ACOD1: variants seen among roughly 807,000 people sequenced by gnomAD.
ACOD1 encodes the protein aconitate decarboxylase 1.
In ACOD1, 14 loss-of-function variants were observed where a neutral mutation model predicts 14.2. That is an observed-to-expected ratio of 0.99 (90% CI 0.65 to 1.54). The LOEUF (loss-of-function observed/expected upper bound fraction) is 1.54, where lower values mean the gene tolerates loss of function less well. Among genes scored for constraint, ACOD1 ranks in the 40% most tolerant of loss-of-function variants. ACOD1 has a pLI of 0.00. For synonymous variants in ACOD1, 182 were observed against 221.7 expected (o/e 0.82, Z 1.59); for missense variants, 530 against 586.3 (o/e 0.90, Z 0.99).
At chr13:76,955,548 A>C in intron 4 of ACOD1, 24 bp downstream of exon 4, 3 of 1,541,804 alleles carry the variant, frequency 1.9e-6, no homozygotes, top group Non-Finnish European at 2.6e-6. Context: ...TTGCCCCATC[A>C]AAAGGTAGTC....
chr13:76,952,101 G>T (rs751248009), intron 1 of ACOD1, among the ~76,000 whole-genome samples: 1 of 152,168 alleles, frequency 6.6e-6, no homozygotes, highest in East Asian at 1.9e-4. Context: ...TGCCTGGCAG[G>T]TGTCTCATAA....
intron 2 of ACOD1, among the ~76,000 whole-genome samples, chr13:76,953,310 T>A (rs547068339): frequency 6.6e-6 from 1 of 152,310 alleles, no homozygotes; most frequent in African/African-American, 2.4e-5. Flanking sequence ...TTAGTCCATC[T>A]TCCCTGGTAT....
At chr13:76,952,395 C>A in intron 1 of ACOD1, 94 bp from the exon 2 acceptor site, 3 of 1,093,100 alleles carry the variant, frequency 2.7e-6, no homozygotes, top group South Asian at 1.8e-5. Flanking sequence ...TGGAGCAAAA[C>A]TCTTTATGCA....
chr13:76,952,717 T>C (rs1010915564), intron 2 of ACOD1, 67 bp downstream of exon 2: 3 of 1,360,054 alleles, frequency 2.2e-6, no homozygotes, highest in African/African-American at 2.9e-5. Context: ...ATTTACTCTA[T>C]ACTTCGTTTT....
chr13:76,952,132 C>T (rs866129916), intron 1 of ACOD1, among the ~76,000 whole-genome samples: 9 of 152,204 alleles, frequency 5.9e-5, no homozygotes, highest in South Asian at 2.1e-4. Context: ...GCACTGCACC[C>T]GCAGAAATCT....
Position 76,952,654 on chromosome 13 carries a change from A to C in ACOD1, c.174+4A>C, listed in dbSNP as rs2033834085. ...CATAGCCAGCCAATATAGCAAGGTA[A>C]GAAGCTCAAGGTCTACATTAGAGAT... On this transcript the variant is annotated splice_donor_region_variant and intron_variant, in intron 2 of 4. Transcript: ENST00000377462. 1 of 1,549,510 alleles carries C rather than the reference A, an allele frequency of 6.5e-7. No homozygotes were observed. Among genetic ancestry groups the C allele is most frequent in the Admixed American group, 2.0e-5 (1 of 50,830 alleles).
chr13:76,953,786 G>A (rs887322729), intron 3 of ACOD1, 97 bp downstream of exon 3: 19 of 774,668 alleles, frequency 2.5e-5, no homozygotes, highest in African/African-American at 5.2e-5. Context: ...ATATTTTACA[G>A]ATGAAAGAAC....
intron 3 of ACOD1, among the ~76,000 whole-genome samples, 193 bp from the exon 4 acceptor site, chr13:76,955,126 C>CAAAAAAAAAAA (rs34230053): frequency 5.1e-5 from 5 of 98,874 alleles, no homozygotes; most frequent in African/African-American, 1.4e-4. Flanking sequence ...GACTCTGTCT[C>CAAAAAAAAAAA]AAAAAAAAAA....
chr13:76,958,121 C>G lies in ACOD1; in HGVS notation c.*136C>G, dbSNP rs2033899506. On this transcript the variant is annotated 3_prime_UTR_variant, in exon 5 of 5. Transcript: ENST00000377462. ...AGTCCAGAAACAGAACTACATATAT[C>G]TGGAAGGAGCCTTCTCCTGAAAATT... 1 of 836,956 alleles carries G rather than the reference C, an allele frequency of 1.2e-6. No individual in the cohort carries two copies. The highest frequency in any genetic ancestry group is 1.7e-5 in the African/African-American group (1 of 58,174). The allele number at this position is 836,956 out of a possible 1,614,324, so 51.8% of individuals were successfully genotyped here.
intron 1 of ACOD1, 83 bp downstream of exon 1, chr13:76,948,653 CT>C: frequency 9.1e-7 from 1 of 1,096,906 alleles, no homozygotes; most frequent in Non-Finnish European, 1.3e-6. Context: ...TTGCCCTCTC[CT>C]TTTAAGAACT....
Position 76,952,496 on chromosome 13 carries a change from C to T in ACOD1, c.20C>T (p.Thr7Ile). 1.9e-6 allele frequency: 3 copies of T among 1,550,316 alleles called. No individual in the cohort carries two copies. The highest frequency in any genetic ancestry group is 2.6e-6 in the Non-Finnish European group (3 of 1,146,874). MMLKSI[T>I]ESFATAIHGL... is the part of the protein sequence containing the mutation. Reference sequence around the variant, plus strand: ...ACACTCTTCCCTTTAAAGTCTATCACAGAAAGCTTTGCCACAGCAATCCAT... The same window carrying T: ...ACACTCTTCCCTTTAAAGTCTATCATAGAAAGCTTTGCCACAGCAATCCAT... The change falls in exon 2 of 5, where the codon ACA becomes ATA. Residue 7 changes from threonine (T) to isoleucine (I), a missense_variant. Coordinates refer to ENST00000377462, the MANE Select transcript of ACOD1 (RefSeq NM_001258406.2).
At chr13:76,954,634 G>A (rs1048849609) in intron 3 of ACOD1, among the ~76,000 whole-genome samples, 2 of 152,152 alleles carry the variant, frequency 1.3e-5, no homozygotes, top group Non-Finnish European at 2.9e-5. Context: ...TTATTTAAAG[G>A]GTGGAGGAGG....
At chr13:76,956,480 G>C (rs1390080793) in intron 4 of ACOD1, among the ~76,000 whole-genome samples, 1 of 151,846 alleles carries the variant, frequency 6.6e-6, no homozygotes, top group African/African-American at 2.4e-5. Context: ...GATTACAGGC[G>C]TGAGCCATCG....
intron 3 of ACOD1, 149 bp downstream of exon 3, chr13:76,953,838 T>C (rs371813264): frequency 3.5e-6 from 2 of 569,726 alleles, no homozygotes; most frequent in South Asian, 4.9e-5. Flanking sequence ...CTCTCCTATG[T>C]AGTAATTCAG....
intron 1 of ACOD1, among the ~76,000 whole-genome samples, chr13:76,949,204 T>C (rs1285466514): frequency 6.6e-6 from 1 of 151,990 alleles, no homozygotes; most frequent in Non-Finnish European, 1.5e-5. Context: ...GAGGTGGAGC[T>C]TGCAGTGAGC....
At position 76,957,512 on chromosome 13, in the gene ACOD1, G is replaced by C. The variant is rs1431836745; in HGVS notation, c.973G>C (p.Val325Leu). 14 of 1,550,488 alleles carry C rather than the reference G, an allele frequency of 9.0e-6. No individual in the cohort carries two copies. The highest frequency in any genetic ancestry group is 1.2e-5 in the Non-Finnish European group (14 of 1,147,020). ...NVQYVNRPFPVSEHEARHSFQ... is the reference protein window; with the variant it reads ...NVQYVNRPFPLSEHEARHSFQ... Reference sequence around the variant, plus strand: ...CCAGTATGTAAACAGGCCCTTTCCAGTTTCGGAGCATGAAGCCCGTCATTC... The same window carrying C: ...CCAGTATGTAAACAGGCCCTTTCCACTTTCGGAGCATGAAGCCCGTCATTC... The change falls in exon 5 of 5, where the codon GTT (valine) becomes CTT (leucine). Residue 325 changes from valine (V) to leucine (L), a missense_variant. Transcript: ENST00000377462.
chr13:76,954,307 A>G (rs968241548), intron 3 of ACOD1, among the ~76,000 whole-genome samples: 2 of 152,236 alleles, frequency 1.3e-5, no homozygotes, highest in African/African-American at 4.8e-5. Context: ...CCAACGGTGC[A>G]TTCCAAAGCA....
Position 76,957,162 on chromosome 13 carries a change from C to T in ACOD1, c.623C>T (p.Pro208Leu). Reference sequence around the variant, plus strand: ...GCCAATGCTGCCACCCAGACCAAGCCCCTCCACATTGGCAATGCTGCCAAG... The same window carrying T: ...GCCAATGCTGCCACCCAGACCAAGCTCCTCCACATTGGCAATGCTGCCAAG... The part of the protein sequence containing the change: ...PMANAATQTK[P>L]LHIGNAAKHG... The change falls in exon 5 of 5, where the codon CCC (proline) becomes CTC (leucine). Residue 208 changes from proline to leucine, a missense_variant. Transcript: ENST00000377462. The T allele has an allele frequency of 1.9e-6, 3 of 1,550,654 alleles. No individual in the cohort carries two copies. Among genetic ancestry groups the T allele is most frequent in the African/African-American group, 2.7e-5 (2 of 73,186 alleles).
rs1292446824 is a variant in ACOD1 at position 76,953,580 on chromosome 13, T to A, written c.175-20T>A. On this transcript the variant is annotated intron_variant, in intron 2 of 4. Coordinates refer to ENST00000377462, the MANE Select transcript of ACOD1 (RefSeq NM_001258406.2). Reference sequence around the variant, plus strand: ...TATACTGTATTCACACTATCACTGGTTGATTTGCTTTTGTTCCAGATCTAC... The same window carrying A: ...TATACTGTATTCACACTATCACTGGATGATTTGCTTTTGTTCCAGATCTAC... 6.9e-7 allele frequency: 1 copy of A among 1,447,026 alleles called. No individual in the cohort carries two copies. The highest frequency in any genetic ancestry group is 1.4e-5 in the African/African-American group (1 of 70,916). The allele number at this position is 1,447,026 out of a possible 1,614,324, so 89.6% of individuals were successfully genotyped here. A position where few individuals can be genotyped will look rare whatever the true frequency, so the allele number is the denominator to read the frequency against.
Sources: allele counts gnomAD v4.1 joint callset (sites outside exome capture counted in the v4.1 genomes callset), GRCh38; gene constraint gnomAD v4.1.1; transcripts MANE v1.5; gene names NCBI Gene and HGNC (gene_info 2026-07-23, HGNC 2026-07-21).